SYNE1: variants seen among roughly 807,000 people sequenced by gnomAD.
SYNE1 encodes nesprin-1.
Under a neutral mutation model 1,111.0 loss-of-function variants are expected in SYNE1, and 616 were observed. The ratio of observed to expected loss-of-function variants is 0.55; its 90% confidence interval spans 0.52 to 0.59. The LOEUF is 0.59. Among genes scored for constraint, SYNE1 ranks in the 20% least tolerant of loss-of-function variants. SYNE1 has a pLI of 0.00. For synonymous variants in SYNE1, 3,855 were observed against 3,825.8 expected, an observed-to-expected ratio of 1.01 and a Z score of -0.28; for missense variants, 10,006 against 10,417.0, an observed-to-expected ratio of 0.96 and a Z score of 1.72.
intron 140 of SYNE1, among the ~76,000 whole-genome samples, chr6:152,139,636 AAG>A: frequency 6.7e-6 from 1 of 149,488 alleles, no homozygotes; most frequent in African/African-American, 2.5e-5. Context: ...GGAAGGAAAG[AAG>A]GAGAAAGAAA....
chr6:152,340,912 A>C (rs1049457368), intron 74 of SYNE1, among the ~76,000 whole-genome samples: 2 of 152,204 alleles, frequency 1.3e-5, no homozygotes, highest in African/African-American at 4.8e-5. Context: ...TGGCTGAGGT[A>C]GTAAGAAGTG....
chr6:152,514,634 AT>A (rs1279545796), intron 6 of SYNE1, among the ~76,000 whole-genome samples: 1 of 151,736 alleles, frequency 6.6e-6, no homozygotes, highest in Non-Finnish European at 1.5e-5. Flanking sequence ...ATTTAAAAAA[AT>A]AATAAAAAAA....
At position 152,201,856 on chromosome 6, in the gene SYNE1, C is replaced by G; in HGVS notation, c.23113G>C (p.Glu7705Gln). 1 of 1,613,942 alleles carries G rather than the reference C, an allele frequency of 6.2e-7. No individual in the cohort carries two copies. The highest frequency in any genetic ancestry group is 8.5e-7 in the Non-Finnish European group (1 of 1,179,840). ...CGCATTTGTTCTGCATGGAGCTCTTCATGGTGATCCGGGAGAGACTGCGAA... is the reference window on the plus strand; with the variant it reads ...CGCATTTGTTCTGCATGGAGCTCTTGATGGTGATCCGGGAGAGACTGCGAA... ...KLSQSLPDHH[E>Q]ELHAEQMRCK... Residue 7705 changes from glutamate (E) to glutamine (Q), a missense_variant, in exon 127 of 146, where the codon GAA becomes CAA. By Grantham distance (29) the Glu-to-Gln change is conservative. This residue lies in a region of SYNE1 where 2,182 missense variants were observed against 2,287.8 expected (regional missense o/e 0.95). Coordinates refer to ENST00000367255, the MANE Select transcript of SYNE1 (RefSeq NM_182961.4).
intron 2 of SYNE1, among the ~76,000 whole-genome samples, chr6:152,629,457 C>T (rs1378974474): frequency 2.7e-5 from 4 of 146,068 alleles, no homozygotes; most frequent in South Asian, 2.2e-4. Context: ...CTGCCCACCT[C>T]GGCCTCCCAA....
At chr6:152,572,611 G>A (rs530922076) in intron 3 of SYNE1, among the ~76,000 whole-genome samples, 1 of 152,156 alleles carries the variant, frequency 6.6e-6, no homozygotes, top group Admixed American at 6.6e-5. Context: ...ACTACTCATC[G>A]TTGCCAGATA....
At position 152,330,270 on chromosome 6, in the gene SYNE1, A is replaced by T; in HGVS notation, c.14415T>A (p.Asn4805Lys). ...KSVKEEQSKV[N>K]EETLPAEEKL... ...TCTCCTCTGCAGGCAGCGTTTCCTC[A>T]TTCACTTTGGACTGCTCCTCTTTTA... Residue 4805 changes from asparagine (N) to lysine (K), a missense_variant, in exon 78 of 146, where the codon AAT becomes AAA. Around this residue, in one of 7 missense-constraint regions of SYNE1, gnomAD observed 4,955 missense variants for 5,017.2 expected, o/e 0.99. Coordinates refer to ENST00000367255, the MANE Select transcript of SYNE1 (RefSeq NM_182961.4). The T allele has an allele frequency of 6.2e-7, 1 of 1,614,104 alleles. No individual in the cohort carries two copies. The highest frequency in any genetic ancestry group is 8.5e-7 in the Non-Finnish European group (1 of 1,180,022).
intron 38 of SYNE1, 133 bp from the exon 39 acceptor site, chr6:152,425,680 GT>G: frequency 9.8e-7 from 1 of 1,020,152 alleles, no homozygotes; most frequent in Non-Finnish European, 1.5e-6. Context: ...GCTGAAGAGA[GT>G]TTTTATTACT....
chr6:152,416,815 G>C lies in SYNE1; in HGVS notation c.5622C>G (p.Leu1874=), dbSNP rs1481434570. 1 of 1,614,172 alleles carries C rather than the reference G, an allele frequency of 6.2e-7. No homozygotes were observed. The change falls in exon 41 of 146, where the codon CTC becomes CTG. Residue 1874 remains leucine, a synonymous_variant. Transcript: ENST00000367255. ...QLALSHLAEF[L]QSHASLSGIL... The stretch of plus-strand genomic sequence containing the variant: ...TGCCGGACAGAGAGGCATGGCTCTG[G>C]AGGAATTCTGCCAAATGGGACAGGG...
chr6:152,354,600 A>T, intron 67 of SYNE1, 59 bp downstream of exon 67: 1 of 1,600,374 alleles, frequency 6.2e-7, no homozygotes, highest in Non-Finnish European at 8.6e-7. Context: ...TCTTAATGAA[A>T]CAAACTATGC....
chr6:152,636,634 T>G lies in SYNE1; in HGVS notation c.-224+4A>C, dbSNP rs2099706370. Reference sequence around the variant, plus strand: ...TGTCTCCCAGTCTCTGTCTTTCCTTTTACCTTCTCTCTCGGCCTCGTTCAG... The same window carrying G: ...TGTCTCCCAGTCTCTGTCTTTCCTTGTACCTTCTCTCTCGGCCTCGTTCAG... On this transcript the variant is annotated splice_donor_region_variant and intron_variant, in intron 2 of 145. Coordinates refer to ENST00000367255, the MANE Select transcript of SYNE1 (RefSeq NM_182961.4). 1 of 152,806 alleles carries G rather than the reference T, an allele frequency of 6.5e-6. No homozygotes were observed. Among genetic ancestry groups the G allele is most frequent in the African/African-American group, 2.4e-5 (1 of 41,482 alleles). The allele number at this position is 152,806 out of a possible 1,614,324, so 9.5% of individuals were successfully genotyped here. A position where few individuals can be genotyped will look rare whatever the true frequency, so the allele number is the denominator to read the frequency against.
At chr6:152,580,370 GC>G (rs1161166395) in intron 3 of SYNE1, among the ~76,000 whole-genome samples, 1 of 151,924 alleles carries the variant, frequency 6.6e-6, no homozygotes. Flanking sequence ...TTTAGTTTTT[GC>G]TTGTTGATTT....
At chr6:152,498,662 C>T (rs1010428758) in intron 11 of SYNE1, 80 bp downstream of exon 11, 4 of 974,816 alleles carry the variant, frequency 4.1e-6, no homozygotes, top group Non-Finnish European at 6.1e-6. Flanking sequence ...AAGACAAAAA[C>T]ATGCAAGGGA....
intron 3 of SYNE1, among the ~76,000 whole-genome samples, chr6:152,596,138 A>T (rs1055917731): frequency 1.5e-5 from 2 of 131,470 alleles, no homozygotes; most frequent in African/African-American, 5.6e-5. Flanking sequence ...GCCTCTTGTG[A>T]TCTGTGTCCC....
chr6:152,374,875 C>G (rs1200313813), intron 58 of SYNE1, among the ~76,000 whole-genome samples: 3 of 152,002 alleles, frequency 2.0e-5, no homozygotes, highest in Non-Finnish European at 2.9e-5. Context: ...GTTCTACCCA[C>G]CAGCCTGAAG....
chr6:152,269,216 C>T lies in SYNE1; in HGVS notation c.18644G>A (p.Trp6215Ter). 6.2e-7 allele frequency: 1 copy of T among 1,614,174 alleles called. No homozygotes were observed. Among genetic ancestry groups the T allele is most frequent in the Non-Finnish European group, 8.5e-7 (1 of 1,180,038 alleles). ...TATQSPGVQE[W>*]LAQARTTWTQ... ...CCATGTGGTGCGAGCTTGGGCCAGC[C>T]ATTCCTGGACGCCGGGGCTCTGCGT... The change falls in exon 99 of 146, where the codon TGG (tryptophan) becomes TAG (stop). Residue 6215 changes from tryptophan to a stop codon, truncating the protein, a stop_gained. Transcript: ENST00000367255. LOFTEE classifies it high-confidence loss of function.
intron 4 of SYNE1, 114 bp downstream of exon 4, chr6:152,539,846 T>G: frequency 8.8e-7 from 1 of 1,133,276 alleles, no homozygotes; most frequent in Non-Finnish European, 1.3e-6. Flanking sequence ...AAGATTACAG[T>G]ATCATTGATT....
chr6:152,196,071 G>A (rs1457157162), intron 127 of SYNE1, among the ~76,000 whole-genome samples: 1 of 152,138 alleles, frequency 6.6e-6, no homozygotes, highest in East Asian at 1.9e-4. Context: ...ACAGAACCGT[G>A]GGGAATACTG....
intron 6 of SYNE1, 143 bp downstream of exon 6, chr6:152,520,316 T>A: frequency 1.2e-6 from 1 of 860,126 alleles, no homozygotes; most frequent in Non-Finnish European, 1.9e-6. Context: ...CTAAGAGTAT[T>A]TTATAATACA....
chr6:152,426,041 A>G (rs2098347652), intron 38 of SYNE1, among the ~76,000 whole-genome samples: 1 of 152,184 alleles, frequency 6.6e-6, no homozygotes, highest in African/African-American at 2.4e-5. Flanking sequence ...AAACTGGAGA[A>G]CTTAAGGGCT....
Sources: allele counts gnomAD v4.1 joint callset (sites outside exome capture counted in the v4.1 genomes callset), GRCh38; gene constraint gnomAD v4.1.1; regional missense constraint gnomAD v4.1.1; transcripts MANE v1.5; gene names NCBI Gene and HGNC (gene_info 2026-07-23, HGNC 2026-07-21).